Variants in BRINP2 observed in about 807,000 individuals in gnomAD.
The protein encoded by BRINP2 is BMP/retinoic acid inducible neural specific 2, also known as BMP/retinoic acid-inducible neural-specific protein 2.
Under a neutral mutation model 69.2 loss-of-function variants are expected in BRINP2, and 21 were observed. The ratio of observed to expected loss-of-function variants is 0.30; its 90% confidence interval spans 0.22 to 0.44. The LOEUF (loss-of-function observed/expected upper bound fraction) is 0.44. BRINP2 is among the 20% of genes least tolerant of loss of function. The pLI is 1.00. For synonymous variants in BRINP2, 380 were observed against 394.1 expected (o/e 0.96, Z 0.42); for missense variants, 877 against 986.0 (o/e 0.89, Z 1.48).
At chr1:177,190,608 C>G (rs1428896551) in intron 1 of BRINP2, among the ~76,000 whole-genome samples, 5 of 152,172 alleles carry the variant, frequency 3.3e-5, no homozygotes, top group Admixed American at 2.6e-4. Flanking sequence ...CTCTTTGGAG[C>G]AGCTATAGGC....
At chr1:177,200,518 G>A (rs542572840) in intron 1 of BRINP2, among the ~76,000 whole-genome samples, 2 of 151,820 alleles carry the variant, frequency 1.3e-5, no homozygotes, top group East Asian at 3.9e-4. Context: ...CAGCCTCCTG[G>A]CCATTCCTCT....
At chr1:177,251,002 C>G (rs1650563988) in intron 2 of BRINP2, among the ~76,000 whole-genome samples, 1 of 152,194 alleles carries the variant, frequency 6.6e-6, no homozygotes, top group African/African-American at 2.4e-5. Flanking sequence ...GAATGCCTAT[C>G]ACATACTAAA....
chr1:177,227,584 C>T (rs748611092), intron 1 of BRINP2, among the ~76,000 whole-genome samples: 1 of 151,404 alleles, frequency 6.6e-6, no homozygotes. Context: ...TGTACAAAGC[C>T]GATTCCTCTT....
chr1:177,256,852 C>T, intron 3 of BRINP2: 1 of 1,178,746 alleles, frequency 8.5e-7, no homozygotes, highest in Non-Finnish European at 1.1e-6. Context: ...GAAGACTCCT[C>T]GTAAACAACT....
chr1:177,229,685 G>T, intron 1 of BRINP2, 116 bp from the exon 2 acceptor site: 2 of 685,258 alleles, frequency 2.9e-6, no homozygotes, highest in Non-Finnish European at 2.3e-6. Context: ...CGAGAACGAA[G>T]TTATGTTACT....
intron 2 of BRINP2, among the ~76,000 whole-genome samples, chr1:177,243,138 G>A (rs1650258342): frequency 6.6e-6 from 1 of 151,796 alleles, no homozygotes; most frequent in Non-Finnish European, 1.5e-5. Flanking sequence ...AAAAAAAAAA[G>A]AATGAGAAAT....
chr1:177,180,591 A>G (rs1215196714), intron 1 of BRINP2, among the ~76,000 whole-genome samples: 1 of 152,206 alleles, frequency 6.6e-6, no homozygotes, highest in Non-Finnish European at 1.5e-5. Flanking sequence ...GAAGACTTTC[A>G]TCAATAAACC....
At chr1:177,204,036 A>T (rs1293450312) in intron 1 of BRINP2, among the ~76,000 whole-genome samples, 1 of 152,184 alleles carries the variant, frequency 6.6e-6, no homozygotes, top group African/African-American at 2.4e-5. Context: ...GGTTGAAGGC[A>T]CCAGATCCCT....
chr1:177,216,779 GTTT>G (rs35697447), intron 1 of BRINP2, among the ~76,000 whole-genome samples: 1 of 126,592 alleles, frequency 7.9e-6, no homozygotes. Flanking sequence ...TTGGTTGGTA[GTTT>G]TTTTTTTTTT....
chr1:177,185,859 A>C (rs1648410767), intron 1 of BRINP2, among the ~76,000 whole-genome samples: 1 of 152,176 alleles, frequency 6.6e-6, no homozygotes, highest in Non-Finnish European at 1.5e-5. Flanking sequence ...AATTACTGCC[A>C]GTGAGGAATG....
intron 2 of BRINP2, 29 bp downstream of exon 2, chr1:177,230,174 G>C (rs1392303351): frequency 1.3e-6 from 2 of 1,565,694 alleles, no homozygotes; most frequent in East Asian, 4.5e-5. Context: ...TGAGACAGGG[G>C]CTTCCCTAAG....
At chr1:177,260,250 G>A (rs879625405) in intron 4 of BRINP2, among the ~76,000 whole-genome samples, 6 of 152,178 alleles carry the variant, frequency 3.9e-5, no homozygotes, top group East Asian at 1.9e-4. Flanking sequence ...AAAACGTAGA[G>A]CCTGAAGATG....
chr1:177,174,171 T>C (rs748939780), intron 1 of BRINP2, among the ~76,000 whole-genome samples: 1 of 152,206 alleles, frequency 6.6e-6, no homozygotes, highest in Non-Finnish European at 1.5e-5. Context: ...AACTGCTTTA[T>C]GCAGGGTCAC....
chr1:177,277,730 C>A (rs1207402888), intron 6 of BRINP2, among the ~76,000 whole-genome samples: 1 of 151,936 alleles, frequency 6.6e-6, no homozygotes, highest in Non-Finnish European at 1.5e-5. Flanking sequence ...GGGTTATGGT[C>A]CATAACATGA....
chr1:177,274,216 C>T (rs1452033234), intron 5 of BRINP2, among the ~76,000 whole-genome samples: 1 of 152,190 alleles, frequency 6.6e-6, no homozygotes, highest in East Asian at 1.9e-4. Flanking sequence ...GAAAACCACA[C>T]TAACCCTGGA....
Position 177,230,085 on chromosome 1 carries a change from A to G in BRINP2, c.209A>G (p.Glu70Gly), listed in dbSNP as rs763621067. Residue 70 changes from glutamate (E) to glycine (G), a missense_variant, in exon 2 of 8, where the codon GAG becomes GGG. Transcript: ENST00000361539. ...TDRGPFHRAQEYADFMERYRQ... is the reference protein window; with the variant it reads ...TDRGPFHRAQGYADFMERYRQ... Reference sequence around the variant, plus strand: ...CGGGGCCCCTTCCACCGCGCTCAGGAGTATGCTGACTTCATGGAGCGGTAC... The same window carrying G: ...CGGGGCCCCTTCCACCGCGCTCAGGGGTATGCTGACTTCATGGAGCGGTAC... 6.2e-7 allele frequency: 1 copy of G among 1,613,718 alleles called. No individual in the cohort carries two copies. The highest frequency in any genetic ancestry group is 8.5e-7 in the Non-Finnish European group (1 of 1,179,942).
At chr1:177,280,272 T>C (rs2102365891) in intron 7 of BRINP2, 140 bp from the exon 8 acceptor site, 1 of 895,180 alleles carries the variant, frequency 1.1e-6, no homozygotes, top group East Asian at 2.5e-5. Context: ...AAAGTAGAGT[T>C]TCTGCCACTC....
At chr1:177,257,071 ACT>A (rs778565026) in intron 3 of BRINP2, 103 bp from the exon 4 acceptor site, 14 of 1,566,606 alleles carry the variant, frequency 8.9e-6, no homozygotes, top group South Asian at 1.2e-5. Flanking sequence ...CAGGGGCTGC[ACT>A]CTCTCTCAGC....
At position 177,281,516 on chromosome 1, in the gene BRINP2, ACT is replaced by A; in HGVS notation, c.2343_2344del (p.Cys782Ter). On this transcript the variant is annotated frameshift_variant, in exon 8 of 8. Coordinates refer to ENST00000361539, the MANE Select transcript of BRINP2 (RefSeq NM_021165.4). LOFTEE classifies it high-confidence loss of function. ...ACCCTGTGGAATATGAGACCGGCAA[ACT>A]CTGTAGCTAATGGGCGGCCCACTTC... ...PNPVEYETGK[L>X]CS The A allele has an allele frequency of 6.2e-7, 1 of 1,603,388 alleles. No homozygotes were observed.
Sources: allele counts gnomAD v4.1 joint callset (sites outside exome capture counted in the v4.1 genomes callset), GRCh38; gene constraint gnomAD v4.1.1; transcripts MANE v1.5; gene names NCBI Gene and HGNC (gene_info 2026-07-23, HGNC 2026-07-21).